The following DNM3 variants were observed in gnomAD, a reference collection of about 807,000 sequenced individuals.
DNM3 encodes the protein dynamin 3.
In DNM3, 47 loss-of-function variants were observed where a neutral mutation model predicts 101.6. The observed-to-expected ratio is 0.46, with a 90% CI of 0.37 to 0.59. DNM3 has a LOEUF of 0.59. Among genes scored for constraint, DNM3 ranks in the 20% least tolerant of loss-of-function variants. The pLI is 0.00. For synonymous variants in DNM3, 385 were observed against 387.9 expected, an observed-to-expected ratio of 0.99 and a Z score of 0.09; for missense variants, 849 against 1,085.7, an observed-to-expected ratio of 0.78 and a Z score of 3.06.
chr1:172,067,868 A>AGTC (rs745596753), intron 10 of DNM3, among the ~76,000 whole-genome samples: 5 of 152,188 alleles, frequency 3.3e-5, no homozygotes, highest in Non-Finnish European at 7.4e-5. Flanking sequence ...AAGTTAAAGG[A>AGTC]GTCTCTTTGT....
chr1:172,364,693 G>A (rs1028323603), intron 17 of DNM3, among the ~76,000 whole-genome samples: 1 of 151,854 alleles, frequency 6.6e-6, no homozygotes, highest in African/African-American at 2.4e-5. Flanking sequence ...GTAGGAGGTG[G>A]GGCCTGGTGG....
rs142408797 is a variant in DNM3, at chr1:171,999,904, G to A, written c.589+10756G>A. Reference sequence around the variant, plus strand: ...GGCAGAGGCAAGGAAGAACCCTCCTGTAGAGGCTTTGGAGGGAGTCAGCAT... The same window carrying A: ...GGCAGAGGCAAGGAAGAACCCTCCTATAGAGGCTTTGGAGGGAGTCAGCAT... On this transcript the variant is annotated intron_variant, in intron 4 of 20. Transcript: ENST00000627582. Among the ~76,000 whole-genome samples, 893 of 152,210 alleles carry A rather than the reference G, an allele frequency of 5.9e-3. 9 individuals carry two copies. The highest frequency in any genetic ancestry group is 0.01 in the Admixed American group (153 of 15,274).
rs147978376 is a variant in DNM3, at chr1:172,127,059, T to C, written c.1546-4116T>C. ...AGCCATTTAAGAAAATGAATTCTAGTTGTACCCACTCTCACTCAACTACTG... is the reference window on the plus strand; with the variant it reads ...AGCCATTTAAGAAAATGAATTCTAGCTGTACCCACTCTCACTCAACTACTG... On this transcript the variant is annotated intron_variant, in intron 13 of 20. Transcript: ENST00000627582. 6.5e-3 allele frequency among the ~76,000 whole-genome samples: 988 copies of C among 152,228 alleles called. 10 individuals carry two copies. Among genetic ancestry groups the C allele is most frequent in the Middle Eastern group, 6.8e-3 (2 of 294 alleles).
intron 4 of DNM3, among the ~76,000 whole-genome samples, chr1:172,031,262 G>A (rs1246335292): frequency 6.6e-6 from 1 of 152,152 alleles, no homozygotes; most frequent in Non-Finnish European, 1.5e-5. Context: ...GGACATGAAT[G>A]AAGCTGGAAG....
intron 2 of DNM3, among the ~76,000 whole-genome samples, chr1:171,936,255 G>A (rs888299912): frequency 6.6e-6 from 1 of 151,984 alleles, no homozygotes; most frequent in African/African-American, 2.4e-5. Context: ...TGAGGCAGGA[G>A]ACTCACTTGA....
chr1:171,872,143 GATC>G (rs1277049833), intron 1 of DNM3, among the ~76,000 whole-genome samples: 7 of 152,030 alleles, frequency 4.6e-5, no homozygotes, highest in Non-Finnish European at 8.8e-5. Context: ...AAATGACAGA[GATC>G]ATCACATTTG....
chr1:172,077,685 G>T (rs2052775920), intron 11 of DNM3, among the ~76,000 whole-genome samples: 1 of 152,118 alleles, frequency 6.6e-6, no homozygotes, highest in Non-Finnish European at 1.5e-5. Flanking sequence ...TGTTTGTTAT[G>T]ATTTCTGTTC....
At chr1:172,281,262 G>A (rs1004307443) in intron 15 of DNM3, among the ~76,000 whole-genome samples, 5 of 152,204 alleles carry the variant, frequency 3.3e-5, no homozygotes, top group South Asian at 2.1e-4. Flanking sequence ...GGTAAGACAC[G>A]GAAAGGAACT....
intron 1 of DNM3, among the ~76,000 whole-genome samples, chr1:171,898,275 T>A (rs1024441363): frequency 2.0e-5 from 3 of 152,146 alleles, no homozygotes; most frequent in Non-Finnish European, 4.4e-5. Flanking sequence ...CTTATTACCA[T>A]TTTCATTTTG....
chr1:172,415,039 G>A (rs902353054), downstream of DNM3, among the ~76,000 whole-genome samples: 3 of 152,156 alleles, frequency 2.0e-5, no homozygotes, highest in African/African-American at 2.4e-5. Flanking sequence ...AACTGTGATC[G>A]TGCCACTGCA....
intron 1 of DNM3, among the ~76,000 whole-genome samples, chr1:171,903,433 G>A (rs1265167956): frequency 6.6e-6 from 1 of 152,114 alleles, no homozygotes; most frequent in Non-Finnish European, 1.5e-5. Flanking sequence ...GAAGTTAACA[G>A]TAATACCACC....
At chr1:171,944,190 C>G (rs1228091129) in intron 2 of DNM3, among the ~76,000 whole-genome samples, 1 of 151,994 alleles carries the variant, frequency 6.6e-6, no homozygotes, top group Non-Finnish European at 1.5e-5. Context: ...TTCATACAGT[C>G]TTCACATGCC....
intron 18 of DNM3, chr1:172,386,891 A>T (rs2069211118): frequency 2.2e-6 from 1 of 452,336 alleles, no homozygotes; most frequent in Non-Finnish European, 4.1e-6. Flanking sequence ...GCCTTCTTCT[A>T]CTCATCTCTA....
At chr1:171,979,173 G>A (rs1328434718) in intron 2 of DNM3, among the ~76,000 whole-genome samples, 1 of 152,108 alleles carries the variant, frequency 6.6e-6, no homozygotes, top group Non-Finnish European at 1.5e-5. Context: ...AGTGTTTCAG[G>A]GAAGAGGAGG....
chr1:171,845,304 T>C (rs375285283), intron 1 of DNM3, among the ~76,000 whole-genome samples: 1 of 152,164 alleles, frequency 6.6e-6, no homozygotes, highest in Non-Finnish European at 1.5e-5. Flanking sequence ...ACCCCAGTAT[T>C]TGGGGAGGCC....
chr1:172,032,343 T>G (rs937597000), intron 4 of DNM3, 59 bp from the exon 5 acceptor site: 2 of 1,171,724 alleles, frequency 1.7e-6, no homozygotes, highest in Non-Finnish European at 2.6e-6. Context: ...GTGACATATA[T>G]GTCTAAAATT....
chr1:171,996,532 A>G (rs1380203782), intron 4 of DNM3, among the ~76,000 whole-genome samples: 3 of 152,068 alleles, frequency 2.0e-5, no homozygotes, highest in Non-Finnish European at 4.4e-5. Context: ...TCATCAGACC[A>G]TTCCTCTGCT....
chr1:171,987,570 A>G, intron 2 of DNM3, 86 bp from the exon 3 acceptor site: 1 of 1,325,168 alleles, frequency 7.5e-7, no homozygotes, highest in Non-Finnish European at 1.0e-6. Context: ...AATATTGGAT[A>G]CTTTGACTTA....
rs186850063 is a variant in DNM3, at chr1:171,938,684, T to C, written c.235+16863T>C. Among the ~76,000 whole-genome samples, 368 of 152,322 alleles carry C rather than the reference T, an allele frequency of 2.4e-3. 1 individual carries two copies. Among genetic ancestry groups the C allele is most frequent in the African/African-American group, 8.1e-3 (336 of 41,558 alleles). On this transcript the variant is annotated intron_variant, in intron 2 of 20. Coordinates refer to ENST00000627582, the MANE Select transcript of DNM3 (RefSeq NM_015569.5). ...TCCAAAGTTCCCAGTTGGAAAAACA[T>C]GCTTATTAGATGGAGAGAGATGCAG...
Sources: gnomAD v4.1 joint callset for allele counts (sites outside exome capture counted in the v4.1 genomes callset) on GRCh38, gnomAD v4.1.1 for gene constraint, MANE v1.5 for transcripts, NCBI Gene and HGNC (gene_info 2026-07-23, HGNC 2026-07-21) for gene names.